Variants in RUNDC3B observed in about 807,000 individuals in gnomAD.
RUNDC3B encodes RUN domain containing 3B.
Under a neutral mutation model 58.4 loss-of-function variants are expected in RUNDC3B, and 33 were observed. That is an observed-to-expected ratio of 0.56 (90% CI 0.43 to 0.75). The LOEUF is 0.75. RUNDC3B is among the 30% of genes least tolerant of loss of function. The pLI is 0.00. For synonymous variants in RUNDC3B, 193 were observed against 195.2 expected, an observed-to-expected ratio of 0.99 and a Z score of 0.10; for missense variants, 501 against 535.7, an observed-to-expected ratio of 0.94 and a Z score of 0.64.
chr7:87,679,164 C>T (rs1341781284), intron 2 of RUNDC3B, among the ~76,000 whole-genome samples: 1 of 140,998 alleles, frequency 7.1e-6, no homozygotes, highest in Non-Finnish European at 1.5e-5. Flanking sequence ...GCGATCTTGG[C>T]TCACTGCAAG....
chr7:87,645,963 G>A (rs1297660768), intron 1 of RUNDC3B, among the ~76,000 whole-genome samples: 1 of 152,156 alleles, frequency 6.6e-6, no homozygotes, highest in African/African-American at 2.4e-5. Flanking sequence ...CTTCATTACT[G>A]ACTTTGATAT....
At chr7:87,708,317 A>T (rs2188528) in intron 3 of RUNDC3B, among the ~76,000 whole-genome samples, 4,530 of 152,264 alleles carry the variant, frequency 0.03, 64 homozygotes, top group Middle Eastern at 0.048. Context: ...CCAAGTGTGT[A>T]TATCTCACAG....
At chr7:87,636,368 A>AT (rs1821774855) in intron 1 of RUNDC3B, among the ~76,000 whole-genome samples, 1 of 152,036 alleles carries the variant, frequency 6.6e-6, no homozygotes, top group Non-Finnish European at 1.5e-5. Flanking sequence ...CCATTTGGAG[A>AT]TTTTCTTTCA....
chr7:87,811,880 T>A (rs1306586120), intron 9 of RUNDC3B, among the ~76,000 whole-genome samples: 1 of 152,218 alleles, frequency 6.6e-6, no homozygotes, highest in Non-Finnish European at 1.5e-5. Flanking sequence ...CAAATGATTA[T>A]TTTGTTCCTT....
At chr7:87,649,637 C>T (rs575161658) in intron 1 of RUNDC3B, among the ~76,000 whole-genome samples, 6 of 152,230 alleles carry the variant, frequency 3.9e-5, no homozygotes, top group African/African-American at 1.2e-4. Flanking sequence ...AAATATAGTA[C>T]ACTTTACAGA....
chr7:87,638,810 CGT>C (rs1247807071), intron 1 of RUNDC3B, among the ~76,000 whole-genome samples: 1 of 151,990 alleles, frequency 6.6e-6, no homozygotes, highest in East Asian at 1.9e-4. Context: ...TCTGTCGACT[CGT>C]GTTATGACTT....
Position 87,830,074 on chromosome 7 carries a change from T to C in RUNDC3B, c.*44T>C. On this transcript the variant is annotated 3_prime_UTR_variant, in exon 11 of 11. Coordinates refer to ENST00000394654, the MANE Select transcript of RUNDC3B (RefSeq NM_001134405.2). The stretch of plus-strand genomic sequence containing the variant: ...CAAAACTTTTTATGTTGTAAATGTT[T>C]AATTTACATGTTTGACTGCTGGGAA... 7.5e-7 allele frequency: 1 copy of C among 1,330,446 alleles called. No individual in the cohort carries two copies. The highest frequency in any genetic ancestry group is 1.4e-5 in the South Asian group (1 of 69,050). 82.4% of individuals were successfully genotyped at this position (1,330,446 alleles called of 1,614,324 possible).
At chr7:87,796,254 C>G (rs577759637) in intron 8 of RUNDC3B, among the ~76,000 whole-genome samples, 7 of 151,618 alleles carry the variant, frequency 4.6e-5, no homozygotes, top group Non-Finnish European at 1.0e-4. Flanking sequence ...ATATAAAAAT[C>G]AAAACAATTG....
intron 3 of RUNDC3B, among the ~76,000 whole-genome samples, chr7:87,706,745 G>C (rs1388062196): frequency 6.6e-6 from 1 of 152,184 alleles, no homozygotes; most frequent in African/African-American, 2.4e-5. Flanking sequence ...ACAGAAGTTG[G>C]AGCTTGGAAC....
At chr7:87,795,724 A>C (rs1177600475) in intron 8 of RUNDC3B, among the ~76,000 whole-genome samples, 1 of 87,392 alleles carries the variant, frequency 1.1e-5, no homozygotes, top group Non-Finnish European at 2.4e-5. Context: ...CTAAAAATAC[A>C]AAAAAAAAAA....
rs556232049 is a variant in RUNDC3B at position 87,634,425 on chromosome 7, C to A, written c.122+5480C>A. On this transcript the variant is annotated intron_variant, in intron 1 of 10. Transcript: ENST00000394654. ...TCACCTGAGGTCAAGAGTTCGAGAC[C>A]AGCCTGGCCAACATGGTGAAACCCC... is the stretch of plus-strand genomic sequence containing the variant. Among the ~76,000 whole-genome samples, 3 of 148,838 alleles carry A rather than the reference C, an allele frequency of 2.0e-5. No homozygotes were observed. The East Asian group carries it at 5.9e-4, about 29-fold the overall frequency.
chr7:87,641,469 C>A (rs1386964608), intron 1 of RUNDC3B, among the ~76,000 whole-genome samples: 1 of 152,172 alleles, frequency 6.6e-6, no homozygotes, highest in Non-Finnish European at 1.5e-5. Flanking sequence ...CCTGGCCTTT[C>A]AGGGTTTTCA....
chr7:87,677,323 C>T (rs1450233880), intron 2 of RUNDC3B, among the ~76,000 whole-genome samples: 1 of 142,340 alleles, frequency 7.0e-6, no homozygotes, highest in Non-Finnish European at 1.5e-5. Context: ...CAATGGAATA[C>T]CATTTCAGAT....
chr7:87,662,605 G>A (rs1436618248), intron 2 of RUNDC3B, among the ~76,000 whole-genome samples: 5 of 151,944 alleles, frequency 3.3e-5, no homozygotes, highest in South Asian at 2.1e-4. Flanking sequence ...CTGTTCCATT[G>A]GTCTATGTAT....
At chr7:87,769,370 C>G (rs1427196295) in intron 6 of RUNDC3B, among the ~76,000 whole-genome samples, 1 of 152,038 alleles carries the variant, frequency 6.6e-6, no homozygotes, top group Non-Finnish European at 1.5e-5. Flanking sequence ...GAGTTTAACT[C>G]ATTTAAATTG....
At chr7:87,818,820 A>G (rs1177601445) in intron 10 of RUNDC3B, among the ~76,000 whole-genome samples, 2 of 152,220 alleles carry the variant, frequency 1.3e-5, no homozygotes, top group Non-Finnish European at 2.9e-5. Context: ...AAGTGTGAAC[A>G]TATGAAAACA....
chr7:87,643,184 G>C (rs1412367889), intron 1 of RUNDC3B, among the ~76,000 whole-genome samples: 1 of 152,148 alleles, frequency 6.6e-6, no homozygotes, highest in Non-Finnish European at 1.5e-5. Context: ...TGGGATTACA[G>C]GTGTGAGCCA....
At chr7:87,717,147 G>A (rs759804477) in intron 4 of RUNDC3B, among the ~76,000 whole-genome samples, 1 of 152,066 alleles carries the variant, frequency 6.6e-6, no homozygotes, top group Non-Finnish European at 1.5e-5. Flanking sequence ...TGGGTTAAAG[G>A]TAAAATACAA....
intron 10 of RUNDC3B, among the ~76,000 whole-genome samples, chr7:87,818,172 G>A (rs985561612): frequency 5.3e-5 from 8 of 151,812 alleles, no homozygotes; most frequent in Admixed American, 2.0e-4. Context: ...AAGACATTTA[G>A]GATTTTATTC....
Sources: gnomAD v4.1 joint callset for allele counts (sites outside exome capture counted in the v4.1 genomes callset) on GRCh38, gnomAD v4.1.1 for gene constraint, MANE v1.5 for transcripts, NCBI Gene and HGNC (gene_info 2026-07-23, HGNC 2026-07-21) for gene names.